The following MACF1 variants were observed in gnomAD, a reference collection of about 807,000 sequenced individuals.
MACF1 encodes the protein microtubule-actin cross-linking factor 1.
Under a neutral mutation model 854.8 loss-of-function variants are expected in MACF1, and 193 were observed. That is an observed-to-expected ratio of 0.23 (90% CI 0.20 to 0.25). The LOEUF (loss-of-function observed/expected upper bound fraction) is 0.25. Among genes scored for constraint, MACF1 ranks in the 10% least tolerant of loss-of-function variants. The probability of loss-of-function intolerance (pLI) is 1.00; values close to 1 mark genes in which losing one functional copy is unlikely to be tolerated. For missense variants in MACF1, 7,722 were observed against 8,929.1 expected, an observed-to-expected ratio of 0.86 and a Z score of 5.45; for synonymous variants, 3,185 against 3,226.7, an observed-to-expected ratio of 0.99 and a Z score of 0.44.
At chr1:39,453,652 C>T in intron 87 of MACF1, 55 bp from the exon 88 acceptor site, 1 of 1,506,622 alleles carries the variant, frequency 6.6e-7, no homozygotes, top group Non-Finnish European at 9.2e-7. Context: ...TGTAAACTAA[C>T]AGTGCTGCTA....
chr1:39,334,577 G>A lies in MACF1; in HGVS notation c.7989G>A (p.Val2663=), dbSNP rs1320141870. 5 of 1,613,976 alleles carry A rather than the reference G, an allele frequency of 3.1e-6. No individual in the cohort carries two copies. The highest frequency in any genetic ancestry group is 1.7e-6 in the Non-Finnish European group (2 of 1,180,024). Reference sequence around the variant, plus strand: ...TTAAAGATGGGGTGAGCGACAAAGTGCTTACATTGTCTCAAGCAATTCAGC... The same window carrying A: ...TTAAAGATGGGGTGAGCGACAAAGTACTTACATTGTCTCAAGCAATTCAGC... The part of the protein sequence containing the change: ...SDIKDGVSDK[V]LTLSQAIQLG... Residue 2663 remains valine, a synonymous_variant, in exon 37 of 101, where the codon GTG becomes GTA. Coordinates refer to ENST00000564288, the MANE Select transcript of MACF1 (RefSeq NM_001394062.1).
At chr1:39,119,444 T>C (rs1642638264) in intron 2 of MACF1, among the ~76,000 whole-genome samples, 1 of 152,128 alleles carries the variant, frequency 6.6e-6, no homozygotes, top group African/African-American at 2.4e-5. Flanking sequence ...TTGTTGTTAC[T>C]TTTTGTGTGT....
At chr1:39,273,181 G>C (rs1215059986) in intron 6 of MACF1, among the ~76,000 whole-genome samples, 3 of 146,696 alleles carry the variant, frequency 2.0e-5, no homozygotes, top group Non-Finnish European at 3.0e-5. Flanking sequence ...CTGTCACCGA[G>C]GCTGCAGTGC....
chr1:39,356,877 T>C (rs933214593), intron 44 of MACF1, among the ~76,000 whole-genome samples: 7 of 152,246 alleles, frequency 4.6e-5, no homozygotes, highest in Non-Finnish European at 5.9e-5. Context: ...GGTATTATAT[T>C]GTCTACCTAC....
At chr1:39,089,633 C>T (rs1366954964) in intron 2 of MACF1, among the ~76,000 whole-genome samples, 1 of 152,192 alleles carries the variant, frequency 6.6e-6, no homozygotes, top group Non-Finnish European at 1.5e-5. Flanking sequence ...GGAGCTTACT[C>T]CTCTGGGCCC....
At chr1:39,268,740 A>G (rs1183332673) in intron 6 of MACF1, 5 of 1,288,088 alleles carry the variant, frequency 3.9e-6, no homozygotes, top group African/African-American at 1.5e-5. Flanking sequence ...GAAAGAGTCA[A>G]TAGCTATTCC....
chr1:39,419,797 T>TTGTGTGTG lies in MACF1; in HGVS notation c.15817-2577_15817-2576insTGTGTGTG, dbSNP rs1251258300. ...ACAGGCGTGCGCCACCATGCCTGGC[T>TTGTGTGTG]AGTGTGTGTGTGTGTGTGTGTGTGT... On this transcript the variant is annotated intron_variant, in intron 58 of 100. Transcript: ENST00000564288. Among the ~76,000 whole-genome samples the TTGTGTGTG allele has an allele frequency of 3.6e-5, 3 of 82,854 alleles. No homozygotes were observed. In the East Asian group the frequency reaches 1.1e-3, roughly 31 times the overall value. The allele number at this position is 82,854 out of a possible 152,430, so 54.4% of individuals were successfully genotyped here. A position where few individuals can be genotyped will look rare whatever the true frequency, so the allele number is the denominator to read the frequency against.
intron 21 of MACF1, among the ~76,000 whole-genome samples, chr1:39,298,275 A>G (rs965088087): frequency 3.7e-4 from 57 of 152,308 alleles, no homozygotes; most frequent in African/African-American, 1.3e-3. Context: ...ATATTTGTGC[A>G]GTTATTTATG....
intron 93 of MACF1, among the ~76,000 whole-genome samples, chr1:39,463,312 C>A (rs7540050): frequency 0.6 from 91,005 of 151,902 alleles, 29,484 homozygotes; most frequent in South Asian, 0.78. Flanking sequence ...CATGAAGAAA[C>A]CCCATCTCTA....
chr1:39,363,109 G>T (rs764301063), intron 49 of MACF1, among the ~76,000 whole-genome samples: 1 of 152,074 alleles, frequency 6.6e-6, no homozygotes, highest in Non-Finnish European at 1.5e-5. Flanking sequence ...ACTATGTACT[G>T]TGTTCAAAAA....
At chr1:39,204,137 G>A (rs1172645959), upstream of MACF1, 3 of 152,080 alleles carry the variant, frequency 2.0e-5, no homozygotes, top group Non-Finnish European at 2.9e-5. Flanking sequence ...AGCTGGGTGC[G>A]GTGGCATCCA....
At chr1:39,435,487 C>T in intron 69 of MACF1, 71 bp from the exon 70 acceptor site, 2 of 1,279,502 alleles carry the variant, frequency 1.6e-6, no homozygotes, top group Non-Finnish European at 2.2e-6. Flanking sequence ...GATATTAGCT[C>T]TGATCAAAGT....
At chr1:39,423,762 G>C (rs556897356) in intron 60 of MACF1, among the ~76,000 whole-genome samples, 1 of 151,294 alleles carries the variant, frequency 6.6e-6, no homozygotes, top group African/African-American at 2.4e-5. Context: ...CATTTTTTAC[G>C]GCACTTTTCT....
Position 39,331,602 on chromosome 1 carries a change from C to T in MACF1, c.5014C>T (p.Leu1672=). The T allele has an allele frequency of 6.2e-7, 1 of 1,614,138 alleles. No homozygotes were observed. Among genetic ancestry groups the T allele is most frequent in the Non-Finnish European group, 8.5e-7 (1 of 1,180,030 alleles). Reference sequence around the variant, plus strand: ...TTCCCCTAGTGAGAACTGTATTAACCTGGAAGAGGCTTTTCATCAAGGCCT... The same window carrying T: ...TTCCCCTAGTGAGAACTGTATTAACTTGGAAGAGGCTTTTCATCAAGGCCT... ...SLSPSENCIN[L]EEAFHQGLIS... The change falls in exon 37 of 101, where the codon CTG becomes TTG. Residue 1672 remains leucine (L), a synonymous_variant. Transcript: ENST00000564288.
rs1643648904 is a variant in MACF1, at chr1:39,424,144, G to A, written c.16266G>A (p.Leu5422=). 3 of 1,613,374 alleles carry A rather than the reference G, an allele frequency of 1.9e-6. No individual in the cohort carries two copies. Among genetic ancestry groups the A allele is most frequent in the Non-Finnish European group, 2.5e-6 (3 of 1,179,910 alleles). Residue 5422 remains leucine (L), a synonymous_variant, in exon 61 of 101, where the codon CTG becomes CTA. Transcript: ENST00000564288. ...LADREKITGQ[L]ESLESRWTEL... is the part of the protein sequence containing the mutation. Reference sequence around the variant, plus strand: ...ATAGAGAGAAAATCACTGGACAGCTGGAGAGTCTTGAAAGTAGATGGACTG... The same window carrying A: ...ATAGAGAGAAAATCACTGGACAGCTAGAGAGTCTTGAAAGTAGATGGACTG...
intron 55 of MACF1, among the ~76,000 whole-genome samples, chr1:39,381,427 G>T (rs1650209695): frequency 6.7e-6 from 1 of 149,162 alleles, no homozygotes; most frequent in Non-Finnish European, 1.5e-5. Context: ...GAGTACAGTG[G>T]CACAATATAG....
chr1:39,209,181 TTCCAC>T (rs1326530684), intron 1 of MACF1, among the ~76,000 whole-genome samples: 2 of 151,548 alleles, frequency 1.3e-5, no homozygotes, highest in Admixed American at 6.6e-5. Flanking sequence ...GATCTCACCA[TTCCAC>T]TCCAGCCTGG....
intron 2 of MACF1, among the ~76,000 whole-genome samples, chr1:39,246,811 A>G (rs1356673897): frequency 6.6e-6 from 1 of 151,918 alleles, no homozygotes; most frequent in Non-Finnish European, 1.5e-5. Flanking sequence ...GGGTTTTGAA[A>G]TCTTGGAGCC....
intron 2 of MACF1, among the ~76,000 whole-genome samples, chr1:39,235,388 G>A (rs534649673): frequency 5.9e-5 from 9 of 152,358 alleles, no homozygotes; most frequent in African/African-American, 1.9e-4. Flanking sequence ...GCAGGCACTC[G>A]GCAGGCTGAG....
Sources: allele counts gnomAD v4.1 joint callset (sites outside exome capture counted in the v4.1 genomes callset), GRCh38; gene constraint gnomAD v4.1.1; transcripts MANE v1.5; gene names NCBI Gene and HGNC (gene_info 2026-07-23, HGNC 2026-07-21).